Variants in TTC27 observed in about 807,000 individuals in gnomAD.
TTC27 encodes the protein tetratricopeptide repeat domain 27.
In TTC27, 79 loss-of-function variants were observed where a neutral mutation model predicts 115.9. The observed-to-expected ratio is 0.68, with a 90% CI of 0.57 to 0.82. The LOEUF is 0.82. TTC27 is among the 40% of genes least tolerant of loss of function. The pLI, the probability that TTC27 is intolerant of heterozygous loss-of-function variation, is 0.00. For synonymous variants in TTC27, 401 were observed against 356.0 expected, an observed-to-expected ratio of 1.13 and a Z score of -1.42; for missense variants, 1,054 against 993.1, an observed-to-expected ratio of 1.06 and a Z score of -0.82.
chr2:32,740,685 G>C (rs181281472), intron 12 of TTC27, among the ~76,000 whole-genome samples: 1 of 151,996 alleles, frequency 6.6e-6, no homozygotes, highest in African/African-American at 2.4e-5. Context: ...ATGGAGTTTC[G>C]CTCTTGTCGC....
At chr2:32,793,830 A>C (rs1670615508) in intron 16 of TTC27, among the ~76,000 whole-genome samples, 1 of 151,908 alleles carries the variant, frequency 6.6e-6, no homozygotes, top group Non-Finnish European at 1.5e-5. Context: ...GCCTGTTACA[A>C]TGTTTTTTTT....
intron 12 of TTC27, among the ~76,000 whole-genome samples, chr2:32,739,726 A>C (rs1668564256): frequency 6.6e-6 from 1 of 152,140 alleles, no homozygotes; most frequent in South Asian, 2.1e-4. Flanking sequence ...CTATATTTGC[A>C]GATTTTTTAA....
At position 32,723,728 on chromosome 2, in the gene TTC27, C is replaced by CTCCCTCCGTCCTTCCTTCCTTCCTTCCT. The variant is rs1454826952; in HGVS notation, c.1234-10097_1234-10096insCTCCGTCCTTCCTTCCTTCCTTCCTTCC. Among the ~76,000 whole-genome samples the CTCCCTCCGTCCTTCCTTCCTTCCTTCCT allele has an allele frequency of 1.7e-3, 50 of 29,530 alleles. 2 individuals are homozygous for CTCCCTCCGTCCTTCCTTCCTTCCTTCCT. Among genetic ancestry groups the CTCCCTCCGTCCTTCCTTCCTTCCTTCCT allele is most frequent in the African/African-American group, 4.8e-3 (28 of 5,838 alleles). The allele number at this position is 29,530 out of a possible 152,430, so 19.4% of individuals were successfully genotyped here. On this transcript the variant is annotated intron_variant, in intron 10 of 19. Transcript: ENST00000317907. ...CCTCCCTCCCTCCCTCCCTCCCTCC[C>CTCCCTCCGTCCTTCCTTCCTTCCTTCCT]TCCTTCCTTCCTTCCTTCCTTCCTT...
At chr2:32,772,043 G>C (rs116520082) in intron 13 of TTC27, among the ~76,000 whole-genome samples, 2,618 of 152,300 alleles carry the variant, frequency 0.017, 60 homozygotes, top group African/African-American at 0.06. Context: ...GGGAGTTTGA[G>C]TAGTAGGTTC....
At chr2:32,804,603 G>T (rs1671067196) in intron 16 of TTC27, among the ~76,000 whole-genome samples, 1 of 151,630 alleles carries the variant, frequency 6.6e-6, no homozygotes, top group African/African-American at 2.4e-5. Context: ...CAGTGAAAAA[G>T]GAAGATAAAA....
At chr2:32,671,993 A>T (rs1666031523) in intron 7 of TTC27, among the ~76,000 whole-genome samples, 1 of 152,194 alleles carries the variant, frequency 6.6e-6, no homozygotes, top group Non-Finnish European at 1.5e-5. Context: ...TGTATATAAA[A>T]TTATCTGCAG....
At chr2:32,704,594 A>G (rs1667302648) in intron 10 of TTC27, among the ~76,000 whole-genome samples, 1 of 152,104 alleles carries the variant, frequency 6.6e-6, no homozygotes, top group African/African-American at 2.4e-5. Context: ...TTTAGGCTTT[A>G]TCAACTTGTC....
At chr2:32,808,751 A>T (rs1671220848) in intron 16 of TTC27, among the ~76,000 whole-genome samples, 1 of 152,218 alleles carries the variant, frequency 6.6e-6, no homozygotes, top group South Asian at 2.1e-4. Flanking sequence ...AAGTGAAGGG[A>T]TAGGATGTTG....
chr2:32,737,458 G>C (rs1488405227), intron 12 of TTC27, among the ~76,000 whole-genome samples: 2 of 151,976 alleles, frequency 1.3e-5, no homozygotes, highest in African/African-American at 2.4e-5. Flanking sequence ...AAAGACTTAA[G>C]TTGAGTACAT....
rs566896444 is a variant in TTC27 at position 32,748,400 on chromosome 2, A to G, written c.1453-9892A>G. Reference sequence around the variant, plus strand: ...TTATGTGCACTTGAGAAGAATGTGTATTCTGCTGTTGGCTGGAGTGTTCTT... The same window carrying G: ...TTATGTGCACTTGAGAAGAATGTGTGTTCTGCTGTTGGCTGGAGTGTTCTT... On this transcript the variant is annotated intron_variant, in intron 12 of 19. Coordinates refer to ENST00000317907, the MANE Select transcript of TTC27 (RefSeq NM_017735.5). Among the ~76,000 whole-genome samples, 7 of 152,278 alleles carry G rather than the reference A, an allele frequency of 4.6e-5. No individual in the cohort carries two copies. The South Asian group carries it at 1.5e-3, about 32-fold the overall frequency.
intron 5 of TTC27, among the ~76,000 whole-genome samples, chr2:32,658,366 C>T (rs953160055): frequency 6.6e-6 from 1 of 152,142 alleles, no homozygotes; most frequent in Admixed American, 6.6e-5. Flanking sequence ...CATCTCACCT[C>T]AGCCTCCCCA....
intron 13 of TTC27, among the ~76,000 whole-genome samples, chr2:32,767,462 T>TTTG (rs1553317335): frequency 2.1e-5 from 3 of 142,816 alleles, no homozygotes; most frequent in East Asian, 2.1e-4. Context: ...TGTTTTTTTT[T>TTTG]TTTTTTTTGA....
intron 16 of TTC27, among the ~76,000 whole-genome samples, chr2:32,805,557 C>T (rs550211495): frequency 6.6e-6 from 1 of 152,222 alleles, no homozygotes; most frequent in East Asian, 1.9e-4. Flanking sequence ...TGGCACAAAG[C>T]GAGTGCTCAC....
In TTC27 at chr2:32,759,791, G is replaced by A. The variant is rs1188272679; in HGVS notation, c.1680+1272G>A. Among the ~76,000 whole-genome samples the A allele has an allele frequency of 2.0e-5, 3 of 152,070 alleles. No homozygotes were observed. In the East Asian group the frequency reaches 5.8e-4, roughly 29 times the overall value. On this transcript the variant is annotated intron_variant, in intron 13 of 19. Coordinates refer to ENST00000317907, the MANE Select transcript of TTC27 (RefSeq NM_017735.5). Reference sequence around the variant, plus strand: ...CTTTCTGTCTTATGATTTTAACTGGGTAACTGTCTTATGATTTTTACTAGG... The same window carrying A: ...CTTTCTGTCTTATGATTTTAACTGGATAACTGTCTTATGATTTTTACTAGG...
intron 18 of TTC27, among the ~76,000 whole-genome samples, chr2:32,813,556 A>G (rs1671386212): frequency 6.6e-6 from 1 of 152,226 alleles, no homozygotes; most frequent in African/African-American, 2.4e-5. Context: ...AACACTTAGC[A>G]GTATTTCACA....
intron 10 of TTC27, among the ~76,000 whole-genome samples, chr2:32,732,973 A>C (rs1276748463): frequency 6.6e-6 from 1 of 152,228 alleles, no homozygotes; most frequent in Non-Finnish European, 1.5e-5. Context: ...ACTTAATGTA[A>C]ACTGAATGGC....
chr2:32,778,867 G>A (rs1670082218), intron 14 of TTC27, among the ~76,000 whole-genome samples: 1 of 152,170 alleles, frequency 6.6e-6, no homozygotes, highest in Non-Finnish European at 1.5e-5. Flanking sequence ...CAGTAGTAGA[G>A]TTGCTGGATC....
chr2:32,746,059 GA>G (rs1668814807), intron 12 of TTC27, among the ~76,000 whole-genome samples: 1 of 152,128 alleles, frequency 6.6e-6, no homozygotes. Flanking sequence ...TAGTTGTGTG[GA>G]ATTACTATAG....
chr2:32,639,928 G>A (rs569489759), intron 3 of TTC27, among the ~76,000 whole-genome samples: 4 of 152,310 alleles, frequency 2.6e-5, no homozygotes, highest in Non-Finnish European at 5.9e-5. Context: ...GAGCCCGGGA[G>A]ATGGAAGTTG....
Sources: allele counts gnomAD v4.1 joint callset (sites outside exome capture counted in the v4.1 genomes callset), GRCh38; gene constraint gnomAD v4.1.1; transcripts MANE v1.5; gene names NCBI Gene and HGNC (gene_info 2026-07-23, HGNC 2026-07-21).